LRFN5: variants seen among roughly 807,000 people sequenced by gnomAD.
The protein encoded by LRFN5 is leucine-rich repeat and fibronectin type-III domain-containing protein 5.
LRFN5 carries 24 observed loss-of-function variants against 45.6 expected under a neutral mutation model. That is an observed-to-expected ratio of 0.53 (90% CI 0.38 to 0.74). LRFN5 has a LOEUF of 0.74. LRFN5 is among the 30% of genes least tolerant of loss of function. The probability of loss-of-function intolerance (pLI) is 0.00; values close to 1 mark genes in which losing one functional copy is unlikely to be tolerated. For synonymous variants in LRFN5, 340 were observed against 313.8 expected (o/e 1.08, Z -0.88); for missense variants, 776 against 861.5 (o/e 0.90, Z 1.24).
chr14:41,803,261 A>C (rs1224505439), intron 2 of LRFN5, among the ~76,000 whole-genome samples: 1 of 152,162 alleles, frequency 6.6e-6, no homozygotes, highest in Non-Finnish European at 1.5e-5. Flanking sequence ...AGTTTTATGT[A>C]CATTCTTTTC....
At chr14:41,830,333 C>G (rs1888436688) in intron 2 of LRFN5, among the ~76,000 whole-genome samples, 1 of 151,872 alleles carries the variant, frequency 6.6e-6, no homozygotes. Context: ...ATTTTGAATT[C>G]TAACTTAGCT....
chr14:41,793,301 A>C (rs1369052530), intron 2 of LRFN5, among the ~76,000 whole-genome samples: 1 of 152,034 alleles, frequency 6.6e-6, no homozygotes, highest in African/African-American at 2.4e-5. Flanking sequence ...CTCCTAAATC[A>C]TATGTAAGGC....
chr14:41,828,684 C>T (rs1413628415), intron 2 of LRFN5, among the ~76,000 whole-genome samples: 1 of 151,902 alleles, frequency 6.6e-6, no homozygotes, highest in African/African-American at 2.4e-5. Flanking sequence ...AAATTAACTC[C>T]CAAATCTCTT....
intron 2 of LRFN5, among the ~76,000 whole-genome samples, chr14:41,814,935 T>C (rs1353605798): frequency 6.6e-6 from 1 of 152,078 alleles, no homozygotes; most frequent in Non-Finnish European, 1.5e-5. Context: ...AAGAGCATTT[T>C]AGATTAGAAG....
chr14:41,828,747 A>G (rs1888379078), intron 2 of LRFN5, among the ~76,000 whole-genome samples: 1 of 151,946 alleles, frequency 6.6e-6, no homozygotes, highest in Non-Finnish European at 1.5e-5. Flanking sequence ...GGACACTACT[A>G]TTTCTCACTT....
intron 1 of LRFN5, among the ~76,000 whole-genome samples, chr14:41,663,129 A>G (rs1880733679): frequency 6.6e-6 from 1 of 152,116 alleles, no homozygotes. Context: ...GGTGACTAAC[A>G]TTATTTTTCT....
chr14:41,632,728 C>T (rs532862320), intron 1 of LRFN5, among the ~76,000 whole-genome samples: 44 of 151,776 alleles, frequency 2.9e-4, no homozygotes, highest in African/African-American at 9.9e-4. Flanking sequence ...CTTAGTAGAA[C>T]AGGAAAAAAA....
chr14:41,852,354 G>A (rs1439775122), intron 2 of LRFN5, among the ~76,000 whole-genome samples: 5 of 151,750 alleles, frequency 3.3e-5, no homozygotes, highest in African/African-American at 7.3e-5. Flanking sequence ...ACATTAAAGC[G>A]AAATAATTGA....
intron 2 of LRFN5, among the ~76,000 whole-genome samples, chr14:41,802,245 A>G (rs1887360092): frequency 6.6e-6 from 1 of 152,198 alleles, no homozygotes; most frequent in African/African-American, 2.4e-5. Context: ...AAGTCAGAAT[A>G]CAGCAAAGAC....
At chr14:41,724,925 A>C (rs988235943) in intron 1 of LRFN5, among the ~76,000 whole-genome samples, 1 of 152,144 alleles carries the variant, frequency 6.6e-6, no homozygotes, top group Non-Finnish European at 1.5e-5. Flanking sequence ...GTAGATTTTG[A>C]AGGACTATAT....
chr14:41,893,910 A>G, intron 4 of LRFN5: 1 of 985,330 alleles, frequency 1.0e-6, no homozygotes, highest in Non-Finnish European at 1.2e-6. Flanking sequence ...ATGAGGTCAC[A>G]TGTGGTCGTA....
At chr14:41,877,998 A>G (rs963956170) in intron 2 of LRFN5, among the ~76,000 whole-genome samples, 2 of 152,034 alleles carry the variant, frequency 1.3e-5, no homozygotes, top group African/African-American at 4.8e-5. Flanking sequence ...TCCAGGTTAT[A>G]TATATATCAT....
chr14:41,718,713 A>G (rs10149831), intron 1 of LRFN5, among the ~76,000 whole-genome samples: 89,976 of 151,988 alleles, frequency 0.59, 27,301 homozygotes, highest in African/African-American at 0.74. Context: ...TCCACATCTC[A>G]GCCCTGATTC....
At chr14:41,681,761 CTG>C (rs1881894333) in intron 1 of LRFN5, among the ~76,000 whole-genome samples, 1 of 151,386 alleles carries the variant, frequency 6.6e-6, no homozygotes, top group South Asian at 2.1e-4. Flanking sequence ...AACACTGTAA[CTG>C]TGATATATAA....
intron 2 of LRFN5, among the ~76,000 whole-genome samples, chr14:41,830,685 A>G (rs1421656991): frequency 6.6e-6 from 1 of 152,152 alleles, no homozygotes; most frequent in Non-Finnish European, 1.5e-5. Context: ...GATAAACCTG[A>G]GCTGCAGGGA....
intron 1 of LRFN5, among the ~76,000 whole-genome samples, chr14:41,622,515 C>T (rs1276657395): frequency 2.6e-5 from 4 of 151,916 alleles, no homozygotes; most frequent in African/African-American, 4.8e-5. Context: ...TTATTTTTAT[C>T]AAATACTGAA....
At chr14:41,818,793 A>G (rs986454150) in intron 2 of LRFN5, among the ~76,000 whole-genome samples, 1 of 152,142 alleles carries the variant, frequency 6.6e-6, no homozygotes, top group Non-Finnish European at 1.5e-5. Context: ...TTACATGGAT[A>G]TATTGCAAAG....
rs545859423 is a variant in LRFN5 at position 41,821,917 on chromosome 14, A to G, written c.-21+54888A>G. On this transcript the variant is annotated intron_variant, in intron 2 of 5. Transcript: ENST00000298119. ...GTTGGATGTTTCCAGGAATTTATCA[A>G]ATTCCTCTAGGTTTTCTTGTTTGTG... Among the ~76,000 whole-genome samples the G allele has an allele frequency of 2.7e-4, 41 of 151,958 alleles. 1 individual carries two copies. The highest frequency in any genetic ancestry group is 2.3e-3 in the South Asian group (11 of 4,816).
At chr14:41,620,976 T>G (rs1411385189) in intron 1 of LRFN5, among the ~76,000 whole-genome samples, 3 of 151,762 alleles carry the variant, frequency 2.0e-5, no homozygotes, top group Non-Finnish European at 4.4e-5. Context: ...CATACATTAA[T>G]AAAAAATATT....
Sources: allele counts gnomAD v4.1 joint callset (sites outside exome capture counted in the v4.1 genomes callset), GRCh38; gene constraint gnomAD v4.1.1; transcripts MANE v1.5; gene names NCBI Gene and HGNC (gene_info 2026-07-23, HGNC 2026-07-21).